The following STAB2 variants were observed in gnomAD, a reference collection of about 807,000 sequenced individuals.
STAB2 encodes the protein stabilin-2.
In STAB2, 288 loss-of-function variants were observed where a neutral mutation model predicts 338.1. The observed-to-expected ratio is 0.85, with a 90% CI of 0.77 to 0.94. The LOEUF is 0.94. STAB2 is among the 40% of genes least tolerant of loss of function. The pLI is 0.00. For synonymous variants in STAB2, 1,202 were observed against 1,193.3 expected (o/e 1.01, Z -0.15); for missense variants, 3,141 against 3,210.1 (o/e 0.98, Z 0.52).
chr12:103,652,633 CGAATATAT>C lies in STAB2; in HGVS notation c.1341_1348del (p.Tyr447Ter). 6.2e-7 allele frequency: 1 copy of C among 1,609,840 alleles called. No homozygotes were observed. ...ACATAATTGCTGGTCAGATGAACATCGAATATATGAATAACACAGACATGTTCTACACC... is the reference window on the plus strand; with the variant it reads ...ACATAATTGCTGGTCAGATGAACATCGAATAACACAGACATGTTCTACACC... On this transcript the variant is annotated frameshift_variant, in exon 12 of 69. Transcript: ENST00000388887. LOFTEE classifies it high-confidence loss of function.
intron 12 of STAB2, 58 bp from the exon 13 acceptor site, chr12:103,654,497 T>A: frequency 6.5e-7 from 1 of 1,550,138 alleles, no homozygotes; most frequent in South Asian, 1.3e-5. Context: ...TCTACTCCAG[T>A]GCTTGCTCCT....
chr12:103,675,991 A>C lies in STAB2; in HGVS notation c.2616A>C (p.Thr872=), dbSNP rs147222832. Residue 872 remains threonine (T), a synonymous_variant, in exon 24 of 69, where the codon ACA becomes ACC. Coordinates refer to ENST00000388887, the MANE Select transcript of STAB2 (RefSeq NM_017564.10). ...TGTGTTCTGAGATGGACCCTTGCAC[A>C]GGACTAACTCCAGGAGGCTGTAGCC... ...GTLCSEMDPC[T]GLTPGGCSRN... 2.2e-5 allele frequency: 36 copies of C among 1,612,496 alleles called. No individual in the cohort carries two copies. Among genetic ancestry groups the C allele is most frequent in the Admixed American group, 5.0e-5 (3 of 59,850 alleles).
chr12:103,662,747 T>A (rs994315332), intron 17 of STAB2, 99 bp from the exon 18 acceptor site: 1 of 1,463,070 alleles, frequency 6.8e-7, no homozygotes. Flanking sequence ...TGTTGAGGAC[T>A]TTTTAGCAAA....
In STAB2 at chr12:103,652,711, G is replaced by A; in HGVS notation, c.1407+6G>A. ...AAATCTTCAACAGCGATAAGGTAAG[G>A]GTTCCTCTGATTTTCACTCCCAGAA... On this transcript the variant is annotated splice_donor_region_variant and intron_variant, in intron 12 of 68. Coordinates refer to ENST00000388887, the MANE Select transcript of STAB2 (RefSeq NM_017564.10). 2 of 1,571,828 alleles carry A rather than the reference G, an allele frequency of 1.3e-6. No homozygotes were observed. The highest frequency in any genetic ancestry group is 1.7e-6 in the Non-Finnish European group (2 of 1,160,008).
chr12:103,676,847 G>C (rs145684950), intron 24 of STAB2, among the ~76,000 whole-genome samples: 1 of 152,248 alleles, frequency 6.6e-6, no homozygotes, highest in Non-Finnish European at 1.5e-5. Flanking sequence ...TCAGGTTTAA[G>C]CCCCTTCAGT....
At chr12:103,756,974 T>G (rs1208198828) in intron 63 of STAB2, among the ~76,000 whole-genome samples, 2 of 133,112 alleles carry the variant, frequency 1.5e-5, no homozygotes, top group African/African-American at 2.8e-5. Context: ...TCTCTGGGCC[T>G]CAGTAGCCCA....
At chr12:103,726,661 G>A (rs1200759047) in intron 46 of STAB2, among the ~76,000 whole-genome samples, 2 of 151,962 alleles carry the variant, frequency 1.3e-5, no homozygotes, top group Non-Finnish European at 2.9e-5. Flanking sequence ...GGTGTGACTG[G>A]GACAGCTAGT....
intron 23 of STAB2, 66 bp from the exon 24 acceptor site, chr12:103,675,862 T>G: frequency 7.6e-7 from 1 of 1,313,838 alleles, no homozygotes; most frequent in South Asian, 1.3e-5. Flanking sequence ...CATCTCTAGC[T>G]GGCTGGCTCT....
intron 63 of STAB2, among the ~76,000 whole-genome samples, chr12:103,756,075 G>A (rs191620116): frequency 1.3e-4 from 19 of 147,538 alleles, no homozygotes; most frequent in Non-Finnish European, 2.3e-4. Context: ...CTGTTTGTAT[G>A]TGGAACAGTT....
intron 2 of STAB2, among the ~76,000 whole-genome samples, chr12:103,591,808 G>C (rs1385664758): frequency 6.6e-6 from 1 of 152,232 alleles, no homozygotes; most frequent in African/African-American, 2.4e-5. Flanking sequence ...TCTGGCAAAG[G>C]ATGACAAGTG....
At chr12:103,681,840 C>T (rs1162585113) in intron 25 of STAB2, among the ~76,000 whole-genome samples, 3 of 151,856 alleles carry the variant, frequency 2.0e-5, no homozygotes, top group East Asian at 3.9e-4. Context: ...AGGATGGTCT[C>T]GATGTCTTCA....
chr12:103,704,417 G>C, intron 35 of STAB2, 141 bp from the exon 36 acceptor site: 1 of 691,022 alleles, frequency 1.4e-6, no homozygotes, highest in Non-Finnish European at 2.4e-6. Flanking sequence ...GAGTTGAAGT[G>C]TTTGTCTCAG....
At chr12:103,678,149 C>T (rs1876559231) in intron 25 of STAB2, among the ~76,000 whole-genome samples, 1 of 152,156 alleles carries the variant, frequency 6.6e-6, no homozygotes, top group Non-Finnish European at 1.5e-5. Context: ...GTTTATAATA[C>T]AAGGCTAAGG....
intron 29 of STAB2, 38 bp downstream of exon 29, chr12:103,690,020 T>C (rs773902817): frequency 5.6e-6 from 9 of 1,601,504 alleles, no homozygotes; most frequent in Non-Finnish European, 6.8e-6. Flanking sequence ...CGTATCTGAA[T>C]GGCATCTGTG....
At chr12:103,746,792 C>A in intron 58 of STAB2, 88 bp downstream of exon 58, 1 of 1,350,736 alleles carries the variant, frequency 7.4e-7, no homozygotes, top group Non-Finnish European at 1.1e-6. Flanking sequence ...TCATCCTAGC[C>A]CTCCTTCCTG....
chr12:103,596,158 T>A (rs777258835), intron 3 of STAB2, among the ~76,000 whole-genome samples: 1 of 152,240 alleles, frequency 6.6e-6, no homozygotes, highest in African/African-American at 2.4e-5. Flanking sequence ...TTAAGAACAT[T>A]TTTTGTGCCA....
chr12:103,730,001 G>T, intron 48 of STAB2, 115 bp from the exon 49 acceptor site: 1 of 933,598 alleles, frequency 1.1e-6, no homozygotes, highest in Non-Finnish European at 1.5e-6. Context: ...TATTAACTTG[G>T]ATATTCAGTT....
chr12:103,677,641 A>G, intron 25 of STAB2, 30 bp downstream of exon 25: 2 of 1,593,952 alleles, frequency 1.3e-6, no homozygotes, highest in Non-Finnish European at 1.7e-6. Flanking sequence ...AGCAAAGAGA[A>G]AGCAGGAATC....
chr12:103,683,690 A>G (rs1298640151), intron 26 of STAB2, among the ~76,000 whole-genome samples: 1 of 152,224 alleles, frequency 6.6e-6, no homozygotes, highest in African/African-American at 2.4e-5. Flanking sequence ...AGTTTAAAGG[A>G]TAGTTTAAGA....
Sources: allele counts gnomAD v4.1 joint callset (sites outside exome capture counted in the v4.1 genomes callset), GRCh38; gene constraint gnomAD v4.1.1; transcripts MANE v1.5; gene names NCBI Gene and HGNC (gene_info 2026-07-23, HGNC 2026-07-21).